Variants in CSMD1 observed in about 807,000 individuals in gnomAD.
CSMD1 encodes CUB and Sushi multiple domains 1.
In CSMD1, 213 loss-of-function variants were observed where a neutral mutation model predicts 417.5. The ratio of observed to expected loss-of-function variants is 0.51; its 90% CI spans 0.46 to 0.57. The LOEUF is 0.57. Ranked by LOEUF, CSMD1 falls within the 20% of genes least tolerant of loss-of-function variation. CSMD1 has a pLI of 0.00. For missense variants in CSMD1, 6,923 were observed against 4,529.7 expected (o/e 1.53, Z -15.17); for synonymous variants, 2,862 against 1,736.8 (o/e 1.65, Z -16.11).
At chr8:4,768,724 C>G (rs1446766362) in intron 1 of CSMD1, among the ~76,000 whole-genome samples, 1 of 152,174 alleles carries the variant, frequency 6.6e-6, no homozygotes. Flanking sequence ...CACCAAACTC[C>G]CCAGGAGTGT....
intron 4 of CSMD1, among the ~76,000 whole-genome samples, chr8:4,017,011 C>G (rs76985881): frequency 0.069 from 10,481 of 152,220 alleles, 474 homozygotes; most frequent in Non-Finnish European, 0.099. Flanking sequence ...TCATAGAAGA[C>G]TTTCAGAAGG....
chr8:3,623,087 A>C (rs1398821268), intron 7 of CSMD1, among the ~76,000 whole-genome samples: 1 of 152,218 alleles, frequency 6.6e-6, no homozygotes, highest in African/African-American at 2.4e-5. Flanking sequence ...ACACACCATT[A>C]ATATTAAAGA....
chr8:3,044,402 T>A (rs1811301285), intron 50 of CSMD1, among the ~76,000 whole-genome samples: 1 of 152,246 alleles, frequency 6.6e-6, no homozygotes, highest in African/African-American at 2.4e-5. Flanking sequence ...AATCCTGTAG[T>A]GACTTTGCTC....
At chr8:3,267,761 G>C (rs972612807) in intron 26 of CSMD1, among the ~76,000 whole-genome samples, 4 of 152,228 alleles carry the variant, frequency 2.6e-5, no homozygotes, top group Non-Finnish European at 4.4e-5. Flanking sequence ...GCCTCCCACA[G>C]CAGCTGATGG....
intron 31 of CSMD1, among the ~76,000 whole-genome samples, chr8:3,204,092 A>G (rs1339044396): frequency 6.6e-6 from 1 of 152,236 alleles, no homozygotes; most frequent in East Asian, 1.9e-4. Context: ...ATGAGACAGA[A>G]TGCATTTTCA....
At chr8:4,644,239 A>C (rs1803375605) in intron 1 of CSMD1, among the ~76,000 whole-genome samples, 1 of 152,082 alleles carries the variant, frequency 6.6e-6, no homozygotes, top group African/African-American at 2.4e-5. Flanking sequence ...TGAACACACC[A>C]CGCTTGTTCC....
At position 4,539,630 on chromosome 8, in the gene CSMD1, T is replaced by C. The variant is rs185856640; in HGVS notation, c.302+97712A>G. Among the ~76,000 whole-genome samples, 186 of 152,322 alleles carry C rather than the reference T, an allele frequency of 1.2e-3. 1 individual carries two copies. Among genetic ancestry groups the C allele is most frequent in the Admixed American group, 2.9e-3 (45 of 15,300 alleles). On this transcript the variant is annotated intron_variant, in intron 2 of 69. Coordinates refer to ENST00000635120, the MANE Select transcript of CSMD1 (RefSeq NM_033225.6). ...AAAAAAGAGTTTGATGTACCACAGG[T>C]GGACTGCAAATTTAAATGGTAAAAT...
chr8:4,360,590 C>A (rs932645222), intron 3 of CSMD1, among the ~76,000 whole-genome samples: 1 of 152,094 alleles, frequency 6.6e-6, no homozygotes, highest in Non-Finnish European at 1.5e-5. Context: ...CCCAGGTTCA[C>A]GTCATTCTCC....
intron 5 of CSMD1, among the ~76,000 whole-genome samples, chr8:3,927,142 AAGAT>A (rs569052313): frequency 8.0e-4 from 122 of 152,066 alleles, no homozygotes; most frequent in African/African-American, 2.5e-3. Context: ...TTATAAATAA[AAGAT>A]AGGGTTGTCA....
chr8:2,998,095 T>C lies in CSMD1; in HGVS notation c.8293A>G (p.Asn2765Asp), dbSNP rs754664318. 1.9e-6 allele frequency: 3 copies of C among 1,613,934 alleles called. No homozygotes were observed. The East Asian group carries it at 6.7e-5, about 36-fold the overall frequency. Reference protein sequence around the residue: ...NLNDVVNFTCNTGYLLQGVSR... With the variant: ...NLNDVVNFTCDTGYLLQGVSR... ...ACGCCCTGCAGCAAATAGCCCGTGT[T>C]GCAGGTGAAATTCACGACATCATTC... is the stretch of plus-strand genomic sequence containing the variant. Residue 2765 changes from asparagine (N) to aspartate (D), a missense_variant, in exon 54 of 70, where the codon AAC becomes GAC. Asn to Asp is a conservative substitution (Grantham distance 23). Coordinates refer to ENST00000635120, the MANE Select transcript of CSMD1 (RefSeq NM_033225.6).
chr8:3,268,907 A>G (rs1757785396), intron 26 of CSMD1, among the ~76,000 whole-genome samples: 1 of 152,166 alleles, frequency 6.6e-6, no homozygotes, highest in African/African-American at 2.4e-5. Context: ...AGGTGGCCAT[A>G]AGTGATATTC....
At chr8:4,067,366 G>A (rs193067418) in intron 3 of CSMD1, among the ~76,000 whole-genome samples, 2 of 152,276 alleles carry the variant, frequency 1.3e-5, no homozygotes, top group African/African-American at 2.4e-5. Context: ...AAAGTGATTC[G>A]GGAGTTAAAC....
chr8:3,486,363 T>A (rs547262482), intron 11 of CSMD1, among the ~76,000 whole-genome samples: 3 of 152,220 alleles, frequency 2.0e-5, no homozygotes, highest in African/African-American at 7.2e-5. Flanking sequence ...TGTAAATGCA[T>A]GCATCTATTG....
intron 1 of CSMD1, among the ~76,000 whole-genome samples, chr8:4,950,383 A>G (rs963584073): frequency 6.6e-6 from 1 of 152,142 alleles, no homozygotes; most frequent in Non-Finnish European, 1.5e-5. Flanking sequence ...GTTAATTCAT[A>G]GGACAATGTT....
chr8:4,815,538 A>G (rs532795022), intron 1 of CSMD1, among the ~76,000 whole-genome samples: 6 of 152,040 alleles, frequency 3.9e-5, no homozygotes, highest in Non-Finnish European at 5.9e-5. Context: ...TCTACTGAAA[A>G]TACAAAAATT....
chr8:4,316,082 G>A (rs1203068324), intron 3 of CSMD1, among the ~76,000 whole-genome samples: 1 of 151,796 alleles, frequency 6.6e-6, no homozygotes, highest in South Asian at 2.1e-4. Context: ...AAATAAAATG[G>A]GTTATTAAAA....
At chr8:4,711,518 G>C (rs1301870320) in intron 1 of CSMD1, among the ~76,000 whole-genome samples, 3 of 151,372 alleles carry the variant, frequency 2.0e-5, no homozygotes, top group Non-Finnish European at 4.4e-5. Flanking sequence ...TGGGACATCT[G>C]TCCTGAAAAA....
intron 2 of CSMD1, among the ~76,000 whole-genome samples, chr8:4,447,787 A>G (rs1798900714): frequency 6.6e-6 from 1 of 152,170 alleles, no homozygotes; most frequent in South Asian, 2.1e-4. Flanking sequence ...ATAAAAGGAG[A>G]AGAAAATAAA....
chr8:3,850,275 G>A (rs570996700), intron 5 of CSMD1, among the ~76,000 whole-genome samples: 4 of 152,320 alleles, frequency 2.6e-5, no homozygotes, highest in East Asian at 3.9e-4. Flanking sequence ...GAATCAATAT[G>A]TGCACAGTGT....
Sources: gnomAD v4.1 joint callset for allele counts (sites outside exome capture counted in the v4.1 genomes callset) on GRCh38, gnomAD v4.1.1 for gene constraint, MANE v1.5 for transcripts, NCBI Gene and HGNC (gene_info 2026-07-23, HGNC 2026-07-21) for gene names.